LCP1: variants seen among roughly 807,000 people sequenced by gnomAD.
LCP1 encodes plastin-2.
A neutral mutation model predicts 72.0 loss-of-function variants in LCP1; 23 were observed. The ratio of observed to expected loss-of-function variants is 0.32; its 90% confidence interval spans 0.23 to 0.45. The LOEUF (loss-of-function observed/expected upper bound fraction) is 0.45. Among genes scored for constraint, LCP1 ranks in the 20% least tolerant of loss-of-function variants. The probability of loss-of-function intolerance (pLI) is 1.00; values close to 1 mark genes in which losing one functional copy is unlikely to be tolerated. For synonymous variants in LCP1, 245 were observed against 275.4 expected (o/e 0.89, Z 1.09); for missense variants, 571 against 748.3 (o/e 0.76, Z 2.76).
chr13:46,132,424 C>T (rs1252504703), intron 14 of LCP1, among the ~76,000 whole-genome samples: 2 of 152,168 alleles, frequency 1.3e-5, no homozygotes, highest in African/African-American at 4.8e-5. Context: ...CATTTGTGGA[C>T]CATCACATAC....
Position 46,148,345 on chromosome 13 carries a change from G to C in LCP1, c.978+7C>G. On this transcript the variant is annotated splice_region_variant and intron_variant, in intron 9 of 15. Transcript: ENST00000323076. ...ATTCTCCAAACACAACTGGGACCTG[G>C]CCTTACCCGCAGTCCTGACATGTCA... The C allele has an allele frequency of 1.9e-6, 3 of 1,603,918 alleles. No homozygotes were observed. The highest frequency in any genetic ancestry group is 2.6e-6 in the Non-Finnish European group (3 of 1,171,474).
At chr13:46,171,229 G>T (rs138323050) in intron 1 of LCP1, among the ~76,000 whole-genome samples, 143 of 152,316 alleles carry the variant, frequency 9.4e-4, no homozygotes, top group Non-Finnish European at 1.8e-3. Flanking sequence ...GGTTTAAATA[G>T]CTGGCCCAGG....
intron 9 of LCP1, 115 bp from the exon 10 acceptor site, chr13:46,147,218 C>T: frequency 1.1e-6 from 1 of 902,448 alleles, no homozygotes; most frequent in Non-Finnish European, 1.6e-6. Flanking sequence ...TTATCTCAGG[C>T]AGACACTTAA....
rs752390149 is a variant in LCP1, at chr13:46,152,960, G to A, written c.574-15C>T. 5.0e-6 allele frequency: 8 copies of A among 1,601,258 alleles called. No homozygotes were observed. Among genetic ancestry groups the A allele is most frequent in the Admixed American group, 1.8e-5 (1 of 56,498 alleles). Reference sequence around the variant, plus strand: ...TTCAGATTTTCCTGAGGGAGAAAATGTATGCAAGTTTTTGTTCTATGACTT... The same window carrying A: ...TTCAGATTTTCCTGAGGGAGAAAATATATGCAAGTTTTTGTTCTATGACTT... On this transcript the variant is annotated splice_polypyrimidine_tract_variant and intron_variant, in intron 6 of 15. Transcript: ENST00000323076.
chr13:46,134,360 C>A, intron 13 of LCP1, 110 bp from the exon 14 acceptor site: 1 of 867,214 alleles, frequency 1.2e-6, no homozygotes, highest in South Asian at 1.7e-5. Context: ...AGAAGACAGT[C>A]TGGACACCAT....
intron 1 of LCP1, among the ~76,000 whole-genome samples, chr13:46,173,031 C>G (rs2045912079): frequency 6.6e-6 from 1 of 152,088 alleles, no homozygotes; most frequent in African/African-American, 2.4e-5. Context: ...TTTAAAAAAC[C>G]TTTGAGATGC....
chr13:46,135,893 C>T (rs778996247), intron 13 of LCP1, among the ~76,000 whole-genome samples: 1 of 151,954 alleles, frequency 6.6e-6, no homozygotes. Context: ...CGGGATGGAC[C>T]ACAGACACAT....
intron 1 of LCP1, among the ~76,000 whole-genome samples, chr13:46,176,221 G>C (rs2045929615): frequency 6.6e-6 from 1 of 152,090 alleles, no homozygotes; most frequent in Admixed American, 6.6e-5. Context: ...TCCAGCACAA[G>C]AAATAAAAAA....
intron 6 of LCP1, 135 bp from the exon 7 acceptor site, chr13:46,153,080 T>C (rs2045778814): frequency 2.3e-6 from 2 of 873,344 alleles, no homozygotes; most frequent in Non-Finnish European, 3.4e-6. Context: ...CATTTTAACA[T>C]TGAGAAAAAA....
At chr13:46,163,298 T>A (rs2045856227) in intron 1 of LCP1, among the ~76,000 whole-genome samples, 1 of 152,174 alleles carries the variant, frequency 6.6e-6, no homozygotes, top group Admixed American at 6.5e-5. Flanking sequence ...TTAAGAAAAA[T>A]TCTTCTGCCT....
At chr13:46,128,435 A>T (rs1204560245) in intron 15 of LCP1, among the ~76,000 whole-genome samples, 16 of 152,130 alleles carry the variant, frequency 1.1e-4, no homozygotes, top group Non-Finnish European at 2.1e-4. Context: ...CATCTCTACT[A>T]AAAATACAAA....
chr13:46,131,073 A>C lies in LCP1; in HGVS notation c.1627-135T>G, dbSNP rs1593940753. 9.2e-6 allele frequency: 8 copies of C among 869,844 alleles called. No homozygotes were observed. In the East Asian group the frequency reaches 2.4e-4, roughly 26 times the overall value. The allele number at this position is 869,844 out of a possible 1,614,324, so 53.9% of individuals were successfully genotyped here. ...GGTCTGGGAAATGCAGCAGTATTCC[A>C]CATAGTGTTTCAAATAAACTGTAGT... On this transcript the variant is annotated intron_variant, in intron 14 of 15. Transcript: ENST00000323076.
chr13:46,181,931 T>G (rs1593969994), intron 1 of LCP1, among the ~76,000 whole-genome samples, 180 bp downstream of exon 1: 1 of 152,166 alleles, frequency 6.6e-6, no homozygotes, highest in South Asian at 2.1e-4. Flanking sequence ...CCATCTTGGA[T>G]GGCCACGCGA....
At chr13:46,173,631 C>G (rs2045914395) in intron 1 of LCP1, among the ~76,000 whole-genome samples, 1 of 152,172 alleles carries the variant, frequency 6.6e-6, no homozygotes, top group African/African-American at 2.4e-5. Flanking sequence ...AAATCTAGAT[C>G]TCACATCCAT....
chr13:46,130,414 G>C (rs1318820179), intron 15 of LCP1, among the ~76,000 whole-genome samples: 1 of 152,248 alleles, frequency 6.6e-6, no homozygotes, highest in Non-Finnish European at 1.5e-5. Context: ...CAGGTGACCT[G>C]AATGGTAAAA....
chr13:46,158,573 T>C lies in LCP1; in HGVS notation c.307A>G (p.Ile103Val). The C allele has an allele frequency of 1.9e-6, 3 of 1,614,206 alleles. No individual in the cohort carries two copies. The highest frequency in any genetic ancestry group is 1.7e-6 in the Non-Finnish European group (2 of 1,180,034). ...AINKKEGICA[I>V]GGTSEQSSVG... ...CTAGACTGCTCTGAAGTACCACCGA[T>C]TGCACAAATCCCTTCCTTCTTATTG... The change falls in exon 4 of 16, where the codon ATC becomes GTC. Residue 103 changes from isoleucine to valine, a missense_variant. Ile to Val is a conservative substitution (Grantham distance 29). Coordinates refer to ENST00000323076, the MANE Select transcript of LCP1 (RefSeq NM_002298.5).
intron 13 of LCP1, among the ~76,000 whole-genome samples, chr13:46,138,351 G>GA (rs1425189813): frequency 6.6e-6 from 1 of 151,908 alleles, no homozygotes; most frequent in Non-Finnish European, 1.5e-5. Context: ...AGCATGCAGG[G>GA]AAAAAAATCC....
At chr13:46,142,536 T>C in intron 12 of LCP1, 111 bp from the exon 13 acceptor site, 1 of 1,212,600 alleles carries the variant, frequency 8.2e-7, no homozygotes, top group Non-Finnish European at 1.1e-6. Context: ...TAAGACCGAA[T>C]GACCTCTCAA....
chr13:46,162,801 G>A (rs866834979), intron 1 of LCP1, among the ~76,000 whole-genome samples: 172 of 149,892 alleles, frequency 1.1e-3, no homozygotes, highest in African/African-American at 3.9e-3. Flanking sequence ...CCGCCGCCCC[G>A]TCTGGGATGT....
Sources: allele counts gnomAD v4.1 joint callset (sites outside exome capture counted in the v4.1 genomes callset), GRCh38; gene constraint gnomAD v4.1.1; transcripts MANE v1.5; gene names NCBI Gene and HGNC (gene_info 2026-07-23, HGNC 2026-07-21).